Variants in TENM3 observed in about 807,000 individuals in gnomAD.
TENM3 encodes the protein teneurin-3.
Under a neutral mutation model 255.1 loss-of-function variants are expected in TENM3, and 63 were observed. The observed-to-expected ratio is 0.25, with a 90% CI of 0.20 to 0.30. TENM3 has a LOEUF of 0.30. Among genes scored for constraint, TENM3 ranks in the 10% least tolerant of loss-of-function variants. The pLI is 1.00. For missense variants in TENM3, 2,929 were observed against 3,461.1 expected (o/e 0.85, Z 3.86); for synonymous variants, 1,306 against 1,322.3 (o/e 0.99, Z 0.27).
At chr4:182,555,833 C>CTT (rs796616091) in intron 3 of TENM3, among the ~76,000 whole-genome samples, 1 of 146,748 alleles carries the variant, frequency 6.8e-6, no homozygotes, top group Non-Finnish European at 1.5e-5. Flanking sequence ...TCTGGAATTA[C>CTT]TTTTTTTTTT....
the TENM3 span, among the ~76,000 whole-genome samples, chr4:181,676,588 A>G: frequency 1.3e-5 from 2 of 151,910 alleles, no homozygotes; most frequent in African/African-American, 4.8e-5. Context: ...TTCCTCAGCT[A>G]TGAAACATTG....
chr4:182,229,114 G>C (rs978939201), intron 1 of TENM3, among the ~76,000 whole-genome samples: 13 of 152,278 alleles, frequency 8.5e-5, no homozygotes, highest in African/African-American at 3.1e-4. Context: ...ATATGCCGTT[G>C]AGAACAGCTC....
At chr4:181,469,078 A>T in the TENM3 span, among the ~76,000 whole-genome samples, 5 of 152,122 alleles carry the variant, frequency 3.3e-5, no homozygotes, top group Non-Finnish European at 4.4e-5. Context: ...GCTAAAAATT[A>T]TTTTTTGATC....
chr4:182,331,799 CAGA>C (rs564544104), intron 2 of TENM3, among the ~76,000 whole-genome samples: 74 of 152,134 alleles, frequency 4.9e-4, no homozygotes, highest in African/African-American at 9.4e-4. Flanking sequence ...GCATACTGTG[CAGA>C]AGAAGAACAT....
chr4:182,310,638 C>A (rs967177947), intron 1 of TENM3, among the ~76,000 whole-genome samples: 3 of 151,798 alleles, frequency 2.0e-5, no homozygotes, highest in Non-Finnish European at 2.9e-5. Context: ...TCTGTTCCAC[C>A]CCAACCCCTT....
the TENM3 span, among the ~76,000 whole-genome samples, chr4:181,837,781 C>T: frequency 6.6e-6 from 1 of 152,132 alleles, no homozygotes; most frequent in African/African-American, 2.4e-5. Context: ...TTTGCCAGAA[C>T]TCCTTATATG....
intron 3 of TENM3, among the ~76,000 whole-genome samples, chr4:182,575,533 C>T (rs901422713): frequency 2.0e-5 from 3 of 152,122 alleles, no homozygotes; most frequent in African/African-American, 7.2e-5. Flanking sequence ...GAGACACAGG[C>T]TTTTAATATT....
rs753894071 is a variant in TENM3 at position 182,600,970 on chromosome 4, G to A, written c.558G>A (p.Pro186=). 57 of 1,477,184 alleles carry A rather than the reference G, an allele frequency of 3.9e-5. No individual in the cohort carries two copies. The highest frequency in any genetic ancestry group is 4.1e-5 in the Non-Finnish European group (45 of 1,107,506). 91.5% of individuals were successfully genotyped at this position (1,477,184 alleles called of 1,614,324 possible). Residue 186 remains proline, a synonymous_variant, in exon 4 of 28, where the codon CCG becomes CCA. Transcript: ENST00000511685. ...GCCAGTCTACCCTGCAGCCCTTGCC[G>A]CCTTCCCATAAGCAGCACTCTGCAC... The part of the protein sequence containing the change: ...NQGQSTLQPL[P]PSHKQHSAQH...
the TENM3 span, among the ~76,000 whole-genome samples, chr4:181,879,073 A>G: frequency 0.17 from 25,656 of 152,072 alleles, 2,757 homozygotes; most frequent in East Asian, 0.56. Flanking sequence ...GCTCCATGAT[A>G]CTGTGTGTGT....
the TENM3 span, among the ~76,000 whole-genome samples, chr4:181,521,880 A>T: frequency 6.6e-6 from 1 of 152,052 alleles, no homozygotes; most frequent in African/African-American, 2.4e-5. Flanking sequence ...GCAGATCACG[A>T]GGTCAGGAGA....
chr4:181,986,026 A>G, the TENM3 span, among the ~76,000 whole-genome samples: 1 of 152,026 alleles, frequency 6.6e-6, no homozygotes, highest in Non-Finnish European at 1.5e-5. Context: ...CACAGATTGA[A>G]TGGGCTACAA....
At chr4:181,686,564 G>T in the TENM3 span, among the ~76,000 whole-genome samples, 303 of 152,148 alleles carry the variant, frequency 2.0e-3, no homozygotes, top group African/African-American at 7.1e-3. Context: ...AGATGTTATG[G>T]AAATTCACAA....
chr4:182,604,948 C>T (rs1375945920), intron 4 of TENM3, among the ~76,000 whole-genome samples: 2 of 151,992 alleles, frequency 1.3e-5, no homozygotes, highest in African/African-American at 4.8e-5. Flanking sequence ...TTGTTAACGT[C>T]GTTAAAAAAA....
intron 2 of TENM3, among the ~76,000 whole-genome samples, chr4:182,325,616 T>G (rs1043860249): frequency 6.6e-6 from 1 of 152,206 alleles, no homozygotes; most frequent in Non-Finnish European, 1.5e-5. Flanking sequence ...TGAAATAGAT[T>G]ATCAGTGTAC....
the TENM3 span, among the ~76,000 whole-genome samples, chr4:181,570,189 G>A: frequency 8.6e-5 from 13 of 151,946 alleles, no homozygotes; most frequent in South Asian, 1.7e-3. Flanking sequence ...GGGACTACAG[G>A]CGCCCGCCAC....
chr4:181,725,950 A>T, the TENM3 span, among the ~76,000 whole-genome samples: 1 of 152,184 alleles, frequency 6.6e-6, no homozygotes, highest in Non-Finnish European at 1.5e-5. Context: ...TGGATTTCAA[A>T]TATCTTTGCC....
At chr4:182,576,971 C>T (rs928627174) in intron 3 of TENM3, among the ~76,000 whole-genome samples, 4 of 152,166 alleles carry the variant, frequency 2.6e-5, no homozygotes, top group Non-Finnish European at 5.9e-5. Context: ...CCTTTCCTGC[C>T]TCTTGCGAGT....
the TENM3 span, among the ~76,000 whole-genome samples, chr4:181,974,420 TAGTC>T: frequency 2.0e-5 from 3 of 151,800 alleles, no homozygotes; most frequent in African/African-American, 7.3e-5. Flanking sequence ...ATACAAAAAT[TAGTC>T]AGGCATGCTG....
At chr4:182,017,130 A>G in the TENM3 span, among the ~76,000 whole-genome samples, 2 of 152,314 alleles carry the variant, frequency 1.3e-5, no homozygotes, top group East Asian at 1.9e-4. Context: ...CCTTTAGCCA[A>G]TTTCCCTGCT....
Sources: allele counts gnomAD v4.1 joint callset (sites outside exome capture counted in the v4.1 genomes callset), GRCh38; gene constraint gnomAD v4.1.1; transcripts MANE v1.5; gene names NCBI Gene and HGNC (gene_info 2026-07-23, HGNC 2026-07-21).